Variants in EBF1 observed in about 807,000 individuals in gnomAD.
The protein encoded by EBF1 is EBF transcription factor 1.
EBF1 carries 10 observed loss-of-function variants against 68.4 expected under a neutral mutation model. The ratio of observed to expected loss-of-function variants is 0.15; its 90% CI spans 0.09 to 0.25. The LOEUF (loss-of-function observed/expected upper bound fraction) is 0.25, where lower values mean the gene tolerates loss of function less well. EBF1 is among the 10% of genes least tolerant of loss of function. The pLI is 1.00. For synonymous variants in EBF1, 298 were observed against 299.8 expected (o/e 0.99, Z 0.06); for missense variants, 509 against 794.4 (o/e 0.64, Z 4.32).
intron 6 of EBF1, among the ~76,000 whole-genome samples, chr5:158,906,370 T>A (rs1052274891): frequency 6.8e-6 from 1 of 147,638 alleles, no homozygotes; most frequent in Admixed American, 6.7e-5. Flanking sequence ...GAACCAATCA[T>A]ACATACAAAA....
At chr5:158,996,517 T>C (rs1761447237) in intron 6 of EBF1, among the ~76,000 whole-genome samples, 1 of 152,264 alleles carries the variant, frequency 6.6e-6, no homozygotes, top group Non-Finnish European at 1.5e-5. Context: ...AACTTTAAAA[T>C]GTGAGCTTAT....
chr5:158,744,606 T>C (rs1050844463), intron 10 of EBF1, among the ~76,000 whole-genome samples: 1 of 152,222 alleles, frequency 6.6e-6, no homozygotes, highest in Non-Finnish European at 1.5e-5. Flanking sequence ...AGTCTCACTC[T>C]ATAACTCCCA....
intron 9 of EBF1, 120 bp from the exon 10 acceptor site, chr5:158,777,659 C>A: frequency 1.9e-6 from 2 of 1,062,980 alleles, no homozygotes; most frequent in Non-Finnish European, 2.6e-6. Flanking sequence ...ATGTTTAAAT[C>A]CAATCTTGAT....
rs544226389 is a variant in EBF1, at chr5:158,953,790, G to T, written c.555-113680C>A. Reference sequence around the variant, plus strand: ...TCAGGAGCCCCAGAATCAAAGAGGAGTATAGCCTGTGACTTGACTTAATTT... The same window carrying T: ...TCAGGAGCCCCAGAATCAAAGAGGATTATAGCCTGTGACTTGACTTAATTT... On this transcript the variant is annotated intron_variant, in intron 6 of 15. Transcript: ENST00000313708. 2.6e-5 allele frequency among the ~76,000 whole-genome samples: 4 copies of T among 152,282 alleles called. No homozygotes were observed. The South Asian group carries it at 8.3e-4, about 32-fold the overall frequency.
intron 6 of EBF1, among the ~76,000 whole-genome samples, chr5:158,977,182 C>T (rs900416084): frequency 1.5e-4 from 23 of 152,234 alleles, no homozygotes; most frequent in African/African-American, 5.5e-4. Flanking sequence ...AAGTGAGGCC[C>T]GCCTGACAGC....
At chr5:158,777,578 T>C (rs1488278784) in intron 9 of EBF1, 39 bp from the exon 10 acceptor site, 15 of 1,567,282 alleles carry the variant, frequency 9.6e-6, no homozygotes, top group Non-Finnish European at 1.3e-5. Flanking sequence ...GTCATTGCAA[T>C]AGTTAAAACT....
chr5:158,703,926 T>C (rs1180037372), intron 15 of EBF1, among the ~76,000 whole-genome samples: 2 of 152,238 alleles, frequency 1.3e-5, no homozygotes, highest in Admixed American at 6.5e-5. Context: ...TTATTTACTT[T>C]GGTGTCATGT....
chr5:159,022,930 G>C (rs1050911575), intron 6 of EBF1, among the ~76,000 whole-genome samples: 5 of 152,178 alleles, frequency 3.3e-5, no homozygotes, highest in African/African-American at 7.2e-5. Flanking sequence ...AAAAAATATT[G>C]TAAAGTCATC....
At chr5:158,959,414 C>A (rs1049535100) in intron 6 of EBF1, among the ~76,000 whole-genome samples, 29 of 151,708 alleles carry the variant, frequency 1.9e-4, no homozygotes, top group Non-Finnish European at 2.9e-5. Flanking sequence ...GCCTCAGCCT[C>A]CTGAGTAGCT....
At chr5:158,737,428 C>A (rs1039633892) in intron 10 of EBF1, among the ~76,000 whole-genome samples, 3 of 151,610 alleles carry the variant, frequency 2.0e-5, no homozygotes, top group Non-Finnish European at 4.4e-5. Flanking sequence ...GGACTACAGG[C>A]GCCCACCACC....
rs528390847 is a variant in EBF1 at position 158,721,583 on chromosome 5, C to T, written c.1126-7401G>A. 1.2e-4 allele frequency among the ~76,000 whole-genome samples: 18 copies of T among 152,210 alleles called. No homozygotes were observed. The South Asian group carries it at 2.7e-3, about 23-fold the overall frequency. On this transcript the variant is annotated intron_variant, in intron 11 of 15. Coordinates refer to ENST00000313708, the MANE Select transcript of EBF1 (RefSeq NM_024007.5). ...ATAATTTTATTGAGTGAAAATTGTT[C>T]GCTGCCTATTAGACCAGGTAATTTT... is the stretch of plus-strand genomic sequence containing the variant.
At chr5:158,760,517 G>A (rs1771182408) in intron 10 of EBF1, among the ~76,000 whole-genome samples, 2 of 152,072 alleles carry the variant, frequency 1.3e-5, no homozygotes, top group Admixed American at 1.3e-4. Context: ...CAGGCATGGT[G>A]GCTTTAAGGC....
At chr5:159,031,773 C>T (rs527595069) in intron 6 of EBF1, among the ~76,000 whole-genome samples, 6 of 152,276 alleles carry the variant, frequency 3.9e-5, no homozygotes, top group South Asian at 2.1e-4. Context: ...GCTCTCGCTG[C>T]GCTGCTGGCA....
chr5:159,098,741 T>A (rs1173953421), intron 1 of EBF1, among the ~76,000 whole-genome samples: 35 of 104,734 alleles, frequency 3.3e-4, no homozygotes, highest in East Asian at 6.0e-4. Context: ...ACGAAAGAAA[T>A]GGAAGGAGGG....
chr5:158,951,306 A>G (rs941121655), intron 6 of EBF1, among the ~76,000 whole-genome samples: 7 of 152,224 alleles, frequency 4.6e-5, no homozygotes, highest in African/African-American at 1.7e-4. Context: ...GGCTACAGGC[A>G]GATGTAGCAT....
intron 6 of EBF1, among the ~76,000 whole-genome samples, chr5:158,912,612 G>A (rs548283222): frequency 5.1e-4 from 77 of 152,144 alleles, no homozygotes; most frequent in Non-Finnish European, 4.7e-4. Context: ...CGATTCTGAC[G>A]AACAGGAGAA....
At chr5:158,948,535 C>T (rs1296154669) in intron 6 of EBF1, among the ~76,000 whole-genome samples, 1 of 152,178 alleles carries the variant, frequency 6.6e-6, no homozygotes, top group African/African-American at 2.4e-5. Context: ...AGAATCCCAG[C>T]TTGAAAGGGG....
At chr5:158,798,429 C>T (rs1265339339) in intron 8 of EBF1, among the ~76,000 whole-genome samples, 1 of 152,072 alleles carries the variant, frequency 6.6e-6, no homozygotes, top group Non-Finnish European at 1.5e-5. Flanking sequence ...ATCACACACA[C>T]ATATTTCTTT....
intron 6 of EBF1, among the ~76,000 whole-genome samples, chr5:158,932,261 T>C (rs974240492): frequency 6.6e-6 from 1 of 152,188 alleles, no homozygotes; most frequent in African/African-American, 2.4e-5. Context: ...CAATTGCAGA[T>C]TGGTTAGATA....
Sources: gnomAD v4.1 joint callset for allele counts (sites outside exome capture counted in the v4.1 genomes callset) on GRCh38, gnomAD v4.1.1 for gene constraint, MANE v1.5 for transcripts, NCBI Gene and HGNC (gene_info 2026-07-23, HGNC 2026-07-21) for gene names.